The following NRG1 variants were observed in gnomAD, a reference collection of about 807,000 sequenced individuals.
NRG1 encodes neuregulin 1, also known as pro-neuregulin-1, membrane-bound isoform.
A neutral mutation model predicts 63.8 loss-of-function variants in NRG1; 18 were observed. The observed-to-expected ratio is 0.28, with a 90% CI of 0.19 to 0.42. NRG1 has a LOEUF of 0.42. Among genes scored for constraint, NRG1 ranks in the 10% least tolerant of loss-of-function variants. The pLI is 1.00. For synonymous variants in NRG1, 302 were observed against 301.3 expected, an observed-to-expected ratio of 1.00 and a Z score of -0.02; for missense variants, 762 against 814.7, an observed-to-expected ratio of 0.94 and a Z score of 0.79.
At chr8:32,246,060 A>G (rs1227716266) in intron 1 of NRG1, among the ~76,000 whole-genome samples, 5 of 152,262 alleles carry the variant, frequency 3.3e-5, no homozygotes, top group East Asian at 1.9e-4. Context: ...CAAACAAGGA[A>G]GAGTTTTATT....
At chr8:31,789,711 C>A (rs1820514471) in intron 1 of NRG1, among the ~76,000 whole-genome samples, 1 of 152,146 alleles carries the variant, frequency 6.6e-6, no homozygotes. Flanking sequence ...TGTTTTTACG[C>A]AAAATGTCAT....
At chr8:32,402,660 G>C (rs1483911974) in intron 1 of NRG1, among the ~76,000 whole-genome samples, 1 of 152,206 alleles carries the variant, frequency 6.6e-6, no homozygotes, top group Middle Eastern at 3.4e-3. Context: ...CTTCCTAATG[G>C]CCTCAAAGCA....
chr8:32,683,887 GAAA>G (rs1216006912), intron 5 of NRG1, among the ~76,000 whole-genome samples: 3 of 141,778 alleles, frequency 2.1e-5, no homozygotes, highest in African/African-American at 2.6e-5. Flanking sequence ...TTTGCTTCTT[GAAA>G]AAAAAAAAAA....
At chr8:32,477,867 G>C (rs1824726381) in intron 1 of NRG1, among the ~76,000 whole-genome samples, 1 of 152,134 alleles carries the variant, frequency 6.6e-6, no homozygotes, top group Non-Finnish European at 1.5e-5. Flanking sequence ...TGTCACTTTG[G>C]TTATAGGTTT....
chr8:31,920,115 T>C (rs1833776358), intron 1 of NRG1, among the ~76,000 whole-genome samples: 1 of 152,062 alleles, frequency 6.6e-6, no homozygotes, highest in South Asian at 2.1e-4. Flanking sequence ...ATTTCAGTAA[T>C]CAAATATTTA....
At position 32,388,330 on chromosome 8, in the gene NRG1, T is replaced by C. The variant is rs567767397; in HGVS notation, c.38-207498T>C. Among the ~76,000 whole-genome samples, 62 of 152,326 alleles carry C rather than the reference T, an allele frequency of 4.1e-4. 1 individual carries two copies. In the South Asian group the frequency reaches 9.3e-3, roughly 23 times the overall value. ...TCTAGTAATTTTCTTAGTATGTATG[T>C]GTGCCAAAGCCAAGAGAGGATATGT... is the stretch of plus-strand genomic sequence containing the variant. On this transcript the variant is annotated intron_variant, in intron 1 of 10. Transcript: ENST00000519301.
In NRG1 at chr8:31,677,152, TCTTG is replaced by T. The variant is rs201430538; in HGVS notation, c.37+37725_37+37728del. On this transcript the variant is annotated intron_variant, in intron 1 of 10. Transcript: ENST00000519301. Reference sequence around the variant, plus strand: ...AAATATATTTGAAATTTTGCTTAGGTCTTGCTTTTGTTTTCTGCCACCCAGCCAG... The same window carrying T: ...AAATATATTTGAAATTTTGCTTAGGTCTTTTGTTTTCTGCCACCCAGCCAG... Among the ~76,000 whole-genome samples the T allele has an allele frequency of 9.2e-4, 140 of 152,274 alleles. 1 individual carries two copies. In the East Asian group the frequency reaches 0.022, roughly 24 times the overall value.
At chr8:32,023,763 T>G (rs958269302) in intron 1 of NRG1, among the ~76,000 whole-genome samples, 6 of 152,088 alleles carry the variant, frequency 3.9e-5, no homozygotes, top group African/African-American at 1.4e-4. Flanking sequence ...AGAAAAGGCT[T>G]GAGGCAGGAT....
At chr8:32,003,487 G>T (rs327335) in intron 1 of NRG1, among the ~76,000 whole-genome samples, 119,669 of 151,886 alleles carry the variant, frequency 0.79, 47,579 homozygotes, top group African/African-American at 0.83. Context: ...TGAGGAACTT[G>T]TCCAGAGGGT....
intron 1 of NRG1, among the ~76,000 whole-genome samples, chr8:32,021,233 T>A (rs1178565836): frequency 6.6e-6 from 1 of 152,100 alleles, no homozygotes; most frequent in Admixed American, 6.5e-5. Flanking sequence ...AGAAAAGAAG[T>A]TTGTTTAGCT....
At chr8:32,514,030 T>C (rs574519281) in intron 1 of NRG1, among the ~76,000 whole-genome samples, 2 of 152,222 alleles carry the variant, frequency 1.3e-5, no homozygotes, top group Admixed American at 6.5e-5. Context: ...TTCTAACAGG[T>C]TCATAACCTA....
At chr8:32,623,071 A>T (rs1307461660) in intron 5 of NRG1, among the ~76,000 whole-genome samples, 1 of 152,216 alleles carries the variant, frequency 6.6e-6, no homozygotes, top group Admixed American at 6.5e-5. Flanking sequence ...CTTCTATGAA[A>T]TCTCTGAATG....
intron 1 of NRG1, among the ~76,000 whole-genome samples, chr8:32,129,456 T>C (rs1379722294): frequency 6.6e-6 from 1 of 151,976 alleles, no homozygotes; most frequent in Non-Finnish European, 1.5e-5. Flanking sequence ...GCATTCCTCC[T>C]GCATGTCTCT....
chr8:32,692,245 A>C (rs1218825870), intron 5 of NRG1, among the ~76,000 whole-genome samples: 1 of 152,212 alleles, frequency 6.6e-6, no homozygotes, highest in Admixed American at 6.5e-5. Flanking sequence ...AGACTCAAAG[A>C]TTTATTCTGT....
At chr8:32,079,508 C>A (rs1424636790) in intron 1 of NRG1, among the ~76,000 whole-genome samples, 3 of 152,156 alleles carry the variant, frequency 2.0e-5, no homozygotes, top group African/African-American at 7.2e-5. Flanking sequence ...AGAGCCAAGA[C>A]ACGAATTCAA....
chr8:31,946,528 T>G (rs1202092894), intron 1 of NRG1, among the ~76,000 whole-genome samples: 1 of 152,234 alleles, frequency 6.6e-6, no homozygotes, highest in Non-Finnish European at 1.5e-5. Context: ...AGGATTAGAT[T>G]TTTTAAACTG....
intron 1 of NRG1, among the ~76,000 whole-genome samples, chr8:32,263,557 G>T (rs1247610424): frequency 6.6e-6 from 1 of 152,056 alleles, no homozygotes; most frequent in Non-Finnish European, 1.5e-5. Flanking sequence ...CTTCTTCCTC[G>T]ATAGTTTCCC....
At chr8:32,402,231 G>C (rs1047970028) in intron 1 of NRG1, among the ~76,000 whole-genome samples, 1 of 151,982 alleles carries the variant, frequency 6.6e-6, no homozygotes, top group Non-Finnish European at 1.5e-5. Context: ...TTTTTAAAAA[G>C]AGAAAACACT....
At chr8:31,683,901 T>G (rs80133762) in intron 1 of NRG1, among the ~76,000 whole-genome samples, 2,835 of 152,238 alleles carry the variant, frequency 0.019, 104 homozygotes, top group African/African-American at 0.064. Context: ...TGATCTTTAG[T>G]TTAGCATTTT....
Sources: gnomAD v4.1 joint callset for allele counts (sites outside exome capture counted in the v4.1 genomes callset) on GRCh38, gnomAD v4.1.1 for gene constraint, MANE v1.5 for transcripts, NCBI Gene and HGNC (gene_info 2026-07-23, HGNC 2026-07-21) for gene names.